RAN: variants seen among roughly 807,000 people sequenced by gnomAD.
The protein encoded by RAN is RAN, member RAS oncogene family, also known as GTP-binding nuclear protein Ran.
RAN carries 2 observed loss-of-function variants against 26.8 expected under a neutral mutation model. The ratio of observed to expected loss-of-function variants is 0.07; its 90% CI spans 0.03 to 0.23. The LOEUF (loss-of-function observed/expected upper bound fraction) is 0.23. Among genes scored for constraint, RAN ranks in the 10% least tolerant of loss-of-function variants. RAN has a pLI of 1.00. For synonymous variants in RAN, 132 were observed against 95.9 expected, an observed-to-expected ratio of 1.38 and a Z score of -2.20; for missense variants, 56 against 264.8, an observed-to-expected ratio of 0.21 and a Z score of 5.47.
intron 4 of RAN, chr12:130,874,294 AC>A (rs1953197343): frequency 4.9e-6 from 2 of 411,314 alleles, no homozygotes; most frequent in Admixed American, 4.2e-5. Flanking sequence ...TACTTCAGAT[AC>A]TTTTTTGGGA....
In RAN at chr12:130,877,273, G is replaced by C. The variant is rs1361907967; in HGVS notation, c.*1347G>C. The C allele has an allele frequency of 6.6e-6, 1 of 152,086 alleles. No homozygotes were observed. Among genetic ancestry groups the C allele is most frequent in the Non-Finnish European group, 1.5e-5 (1 of 68,026 alleles). 9.4% of individuals were successfully genotyped at this position (152,086 alleles called of 1,614,324 possible). A position where few individuals can be genotyped will look rare whatever the true frequency, so the allele number is the denominator to read the frequency against. On this transcript the variant is annotated 3_prime_UTR_variant, in exon 7 of 7. Transcript: ENST00000543796. ...CTTGAGATGATTGCTTACCTTAAAA[G>C]GTATAGAAAGGATCACTTAAATATA...
intron 4 of RAN, chr12:130,873,332 G>C: frequency 3.4e-6 from 2 of 587,326 alleles, no homozygotes; most frequent in South Asian, 4.1e-5. Flanking sequence ...TGTCATGCTA[G>C]GCATGCTTTA....
At chr12:130,872,721 C>A in intron 2 of RAN, 92 bp downstream of exon 2, 1 of 1,554,324 alleles carries the variant, frequency 6.4e-7, no homozygotes, top group Non-Finnish European at 8.8e-7. Context: ...TGTAATGGGG[C>A]CCCGCATCCA....
Position 130,875,680 on chromosome 12 carries a change from C to A in RAN, c.504C>A (p.Leu168=), listed in dbSNP as rs1185482149. 2 of 1,613,892 alleles carry A rather than the reference C, an allele frequency of 1.2e-6. No individual in the cohort carries two copies. Among genetic ancestry groups the A allele is most frequent in the South Asian group, 2.2e-5 (2 of 91,036 alleles). The change falls in exon 6 of 7, where the codon CTC becomes CTA. Residue 168 remains leucine (L), a synonymous_variant. Coordinates refer to ENST00000543796, the MANE Select transcript of RAN (RefSeq NM_006325.5). ...CCTTCCTCTGGCTTGCTAGGAAGCT[C>A]ATTGGAGACCCTAACTTGGAATTTG... ...EKPFLWLARK[L]IGDPNLEFVA... is the part of the protein sequence containing the mutation.
chr12:130,873,137 T>C lies in RAN; in HGVS notation c.247+9T>C. The C allele has an allele frequency of 6.2e-7, 1 of 1,614,162 alleles. No homozygotes were observed. Among genetic ancestry groups the C allele is most frequent in the Admixed American group, 1.7e-5 (1 of 60,024 alleles). On this transcript the variant is annotated intron_variant, in intron 4 of 6. Coordinates refer to ENST00000543796, the MANE Select transcript of RAN (RefSeq NM_006325.5). ...TGGCTATTATATCCAAGGTAGGCAT[T>C]TGTAACTTGCTGAACGGTTTTTGAG...
Position 130,874,058 on chromosome 12 carries a change from A to C in RAN, c.248-488A>C, listed in dbSNP as rs777127191. ...GAGATGGGGATTCACCATGTTGCCC[A>C]TGCTGGTCTGGAACTCATGAGCTCA... On this transcript the variant is annotated intron_variant, in intron 4 of 6. Transcript: ENST00000543796. 2.2e-5 allele frequency: 8 copies of C among 371,626 alleles called. No homozygotes were observed. The East Asian group carries it at 7.8e-4, about 36-fold the overall frequency. The allele number at this position is 371,626 out of a possible 1,614,324, so 23.0% of individuals were successfully genotyped here. A position where few individuals can be genotyped will look rare whatever the true frequency, so the allele number is the denominator to read the frequency against.
intron 4 of RAN, 195 bp downstream of exon 4, chr12:130,873,323 G>A: frequency 1.6e-6 from 1 of 622,358 alleles, no homozygotes; most frequent in African/African-American, 1.8e-5. Context: ...TGCATGCTGT[G>A]TCATGCTAGG....
In RAN at chr12:130,876,606, G is replaced by A. The variant is rs1352665670; in HGVS notation, c.*680G>A. 2 of 152,310 alleles carry A rather than the reference G, an allele frequency of 1.3e-5. No homozygotes were observed. Among genetic ancestry groups the A allele is most frequent in the South Asian group, 2.1e-4 (1 of 4,840 alleles). The allele number at this position is 152,310 out of a possible 1,614,324, so 9.4% of individuals were successfully genotyped here. A position where few individuals can be genotyped will look rare whatever the true frequency, so the allele number is the denominator to read the frequency against. On this transcript the variant is annotated 3_prime_UTR_variant, in exon 7 of 7. Coordinates refer to ENST00000543796, the MANE Select transcript of RAN (RefSeq NM_006325.5). ...CTTGCTCAAAATCTGTGACCTGTCA[G>A]AATAAAAATGTGGTTTGTACATATC... is the stretch of plus-strand genomic sequence containing the variant.
At chr12:130,874,892 G>A (rs1397923012) in intron 5 of RAN, among the ~76,000 whole-genome samples, 159 bp downstream of exon 5, 1 of 152,020 alleles carries the variant, frequency 6.6e-6, no homozygotes, top group Non-Finnish European at 1.5e-5. Flanking sequence ...TCGCAATCTT[G>A]GCTCACTGCG....
chr12:130,872,724 C>A, intron 2 of RAN, 95 bp downstream of exon 2: 8 of 1,558,790 alleles, frequency 5.1e-6, no homozygotes, highest in Non-Finnish European at 7.0e-6. Flanking sequence ...AATGGGGCCC[C>A]GCATCCACAT....
intron 4 of RAN, chr12:130,873,957 C>G (rs942571429): frequency 3.0e-6 from 1 of 328,766 alleles, no homozygotes; most frequent in Non-Finnish European, 6.4e-6. Context: ...AAGCCATCCT[C>G]TTACCTCAGC....
At position 130,872,830 on chromosome 12, in the gene RAN, C is replaced by G; in HGVS notation, c.37-6C>G. On this transcript the variant is annotated splice_region_variant and splice_polypyrimidine_tract_variant and intron_variant, in intron 2 of 6. Coordinates refer to ENST00000543796, the MANE Select transcript of RAN (RefSeq NM_006325.5). Reference sequence around the variant, plus strand: ...GGGTTTACTTCCAAAATGTGTTTTTCAACAGCTTGTATTGGTTGGTGATGG... The same window carrying G: ...GGGTTTACTTCCAAAATGTGTTTTTGAACAGCTTGTATTGGTTGGTGATGG... 1.2e-6 allele frequency: 2 copies of G among 1,614,126 alleles called. No individual in the cohort carries two copies. Among genetic ancestry groups the G allele is most frequent in the Non-Finnish European group, 1.7e-6 (2 of 1,179,982 alleles).
intron 5 of RAN, among the ~76,000 whole-genome samples, chr12:130,875,014 G>A (rs1235101113): frequency 2.0e-5 from 3 of 152,024 alleles, no homozygotes; most frequent in African/African-American, 4.8e-5. Context: ...TAGTAGAGAC[G>A]GGGTTTCCAC....
At position 130,876,121 on chromosome 12, in the gene RAN, C is replaced by T. The variant is rs1593221671; in HGVS notation, c.*195C>T. Reference sequence around the variant, plus strand: ...TAAAAAATAACTTCATTGTTTGGACCTGCATATTTAGCTGTTTTGGAACGC... The same window carrying T: ...TAAAAAATAACTTCATTGTTTGGACTTGCATATTTAGCTGTTTTGGAACGC... On this transcript the variant is annotated 3_prime_UTR_variant, in exon 7 of 7. Coordinates refer to ENST00000543796, the MANE Select transcript of RAN (RefSeq NM_006325.5). 8.1e-6 allele frequency: 5 copies of T among 620,668 alleles called. No homozygotes were observed. In the South Asian group the frequency reaches 1.0e-4, roughly 13 times the overall value. 38.4% of individuals were successfully genotyped at this position (620,668 alleles called of 1,614,324 possible).
In RAN at chr12:130,872,097, G is replaced by T; in HGVS notation, c.-40G>T. Reference sequence around the variant, plus strand: ...CGCTTCCGCCATCTTTCCAGCCTCAGTCGGACGGGCGCGGAGACGCTTCTG... The same window carrying T: ...CGCTTCCGCCATCTTTCCAGCCTCATTCGGACGGGCGCGGAGACGCTTCTG... On this transcript the variant is annotated 5_prime_UTR_variant, in exon 1 of 7. Transcript: ENST00000543796. The T allele has an allele frequency of 3.1e-6, 1 of 320,368 alleles. No individual in the cohort carries two copies. 19.8% of individuals were successfully genotyped at this position (320,368 alleles called of 1,614,324 possible). A position where few individuals can be genotyped will look rare whatever the true frequency, so the allele number is the denominator to read the frequency against.
intron 4 of RAN, chr12:130,873,779 A>G (rs912310962): frequency 1.3e-5 from 2 of 158,112 alleles, no homozygotes; most frequent in African/African-American, 2.4e-5. Context: ...CCCCAAAAGA[A>G]TCCTTTAACC....
chr12:130,874,009 G>A, intron 4 of RAN: 1 of 385,696 alleles, frequency 2.6e-6, no homozygotes. Context: ...CACTATGCCT[G>A]ACTAATTTTT....
chr12:130,876,170 A>C lies in RAN; in HGVS notation c.*244A>C, dbSNP rs3803012. ...GCAGTTGATTCCTTGAGTTTCATATATAAGACTGCTGCAGTCACATCACAA... is the reference window on the plus strand; with the variant it reads ...GCAGTTGATTCCTTGAGTTTCATATCTAAGACTGCTGCAGTCACATCACAA... On this transcript the variant is annotated 3_prime_UTR_variant, in exon 7 of 7. Transcript: ENST00000543796. The C allele has an allele frequency of 6.6e-4, 361 of 547,768 alleles. 1 individual carries two copies. In the South Asian group the frequency reaches 7.3e-3, roughly 11 times the overall value. The allele number at this position is 547,768 out of a possible 1,614,324, so 33.9% of individuals were successfully genotyped here.
intron 5 of RAN, 131 bp from the exon 6 acceptor site, chr12:130,875,481 T>A (rs1481649724): frequency 2.4e-6 from 2 of 828,390 alleles, no homozygotes; most frequent in Non-Finnish European, 1.8e-6. Flanking sequence ...CCCCCGAAAG[T>A]GCTGGGATTA....
Sources: gnomAD v4.1 joint callset for allele counts (sites outside exome capture counted in the v4.1 genomes callset) on GRCh38, gnomAD v4.1.1 for gene constraint, MANE v1.5 for transcripts, NCBI Gene and HGNC (gene_info 2026-07-23, HGNC 2026-07-21) for gene names.